The following UBL3 variants were observed in gnomAD, a reference collection of about 807,000 sequenced individuals.
UBL3 encodes the protein ubiquitin-like protein 3.
In UBL3, 6 loss-of-function variants were observed where a neutral mutation model predicts 18.4. That is an observed-to-expected ratio of 0.33 (90% CI 0.18 to 0.64). The LOEUF (loss-of-function observed/expected upper bound fraction) is 0.64. UBL3 is among the 30% of genes least tolerant of loss of function. The probability of loss-of-function intolerance (pLI) is 0.76; values close to 1 mark genes in which losing one functional copy is unlikely to be tolerated. For missense variants in UBL3, 109 were observed against 142.9 expected (o/e 0.76, Z 1.21); for synonymous variants, 49 against 46.6 (o/e 1.05, Z -0.21).
At chr13:29,812,065 A>T (rs959327765) in intron 1 of UBL3, among the ~76,000 whole-genome samples, 5 of 151,972 alleles carry the variant, frequency 3.3e-5, no homozygotes, top group African/African-American at 4.8e-5. Context: ...TCTAAATCTT[A>T]TCAATTTGTA....
chr13:29,775,446 T>C (rs1162808739), intron 2 of UBL3, among the ~76,000 whole-genome samples: 1 of 152,238 alleles, frequency 6.6e-6, no homozygotes, highest in Non-Finnish European at 1.5e-5. Flanking sequence ...GTACATATAC[T>C]ATGTTCTTTG....
chr13:29,783,406 C>T (rs1459673285), intron 1 of UBL3, among the ~76,000 whole-genome samples: 1 of 152,204 alleles, frequency 6.6e-6, no homozygotes, highest in Non-Finnish European at 1.5e-5. Context: ...AAGCTTGCTA[C>T]TAGACTAGAG....
chr13:29,773,348 T>C (rs925674542), intron 2 of UBL3, among the ~76,000 whole-genome samples: 1 of 152,156 alleles, frequency 6.6e-6, no homozygotes, highest in Non-Finnish European at 1.5e-5. Context: ...TTCTGTCTCC[T>C]GTAAGGCTTT....
At chr13:29,823,962 GT>G (rs1215468461) in intron 1 of UBL3, among the ~76,000 whole-genome samples, 1 of 151,134 alleles carries the variant, frequency 6.6e-6, no homozygotes, top group African/African-American at 2.4e-5. Context: ...GCGGTGTTTG[GT>G]TTTCTGTCCT....
intron 1 of UBL3, among the ~76,000 whole-genome samples, chr13:29,830,085 A>G (rs979229055): frequency 6.6e-6 from 1 of 152,300 alleles, no homozygotes; most frequent in East Asian, 1.9e-4. Flanking sequence ...TATAAGTTAT[A>G]TAAGTTATTC....
chr13:29,810,322 C>G (rs1039966594), intron 1 of UBL3, among the ~76,000 whole-genome samples: 2 of 151,882 alleles, frequency 1.3e-5, no homozygotes, highest in African/African-American at 4.8e-5. Flanking sequence ...TGGTATTTAG[C>G]CTGGGAACTG....
At chr13:29,840,795 C>T (rs919674489) in intron 1 of UBL3, among the ~76,000 whole-genome samples, 1 of 152,120 alleles carries the variant, frequency 6.6e-6, no homozygotes, top group Non-Finnish European at 1.5e-5. Context: ...TCCATTATGT[C>T]ATTGTTTGTA....
At chr13:29,829,949 C>T (rs1166447911) in intron 1 of UBL3, among the ~76,000 whole-genome samples, 1 of 152,208 alleles carries the variant, frequency 6.6e-6, no homozygotes, top group African/African-American at 2.4e-5. Flanking sequence ...CACACATATA[C>T]TATGTTTTCA....
In UBL3 at chr13:29,766,031, C is replaced by T. The variant is rs956420721; in HGVS notation, c.*1224G>A. On this transcript the variant is annotated 3_prime_UTR_variant, in exon 5 of 5. Transcript: ENST00000380680. ...TAAGTCTTTTATTAAATATATTCTA[C>T]ACATATTTGTAATTTCATCCAGGAA... The T allele has an allele frequency of 2.0e-5, 3 of 152,456 alleles. No homozygotes were observed. The highest frequency in any genetic ancestry group is 4.8e-5 in the African/African-American group (2 of 41,424). The allele number at this position is 152,456 out of a possible 1,614,324, so 9.4% of individuals were successfully genotyped here.
intron 1 of UBL3, among the ~76,000 whole-genome samples, chr13:29,789,910 G>T (rs1877438712): frequency 6.6e-6 from 1 of 152,128 alleles, no homozygotes; most frequent in Admixed American, 6.5e-5. Context: ...TATCACTGTT[G>T]CATGAAAGAG....
chr13:29,802,330 G>C (rs890771659), intron 1 of UBL3, among the ~76,000 whole-genome samples: 4 of 152,162 alleles, frequency 2.6e-5, no homozygotes, highest in Non-Finnish European at 4.4e-5. Flanking sequence ...GACTGTACTC[G>C]AGTTACACCA....
intron 1 of UBL3, among the ~76,000 whole-genome samples, chr13:29,824,664 C>T (rs78264588): frequency 0.045 from 6,909 of 152,186 alleles, 224 homozygotes; most frequent in Middle Eastern, 0.092. Flanking sequence ...GTTGCCTGTT[C>T]ACTCTGGTGG....
In UBL3 at chr13:29,790,508, C is replaced by T. The variant is rs77051502; in HGVS notation, c.28-13245G>A. ...ATTTAACTCCTTACTTCTTAAACGT[C>T]TTTCCTCATTAGGTTCCTATAATTC... On this transcript the variant is annotated intron_variant, in intron 1 of 4. Transcript: ENST00000380680. 1.1e-3 allele frequency among the ~76,000 whole-genome samples: 171 copies of T among 152,292 alleles called. 3 individuals carry two copies. In the East Asian group the frequency reaches 0.031, roughly 28 times the overall value.
intron 1 of UBL3, among the ~76,000 whole-genome samples, chr13:29,833,219 T>C (rs1566000517): frequency 6.6e-6 from 1 of 150,728 alleles, no homozygotes; most frequent in Non-Finnish European, 1.5e-5. Flanking sequence ...CATAGACAAA[T>C]CTGGGAAAAC....
chr13:29,777,182 T>C lies in UBL3; in HGVS notation c.109A>G (p.Lys37Glu). 6.2e-7 allele frequency: 1 copy of C among 1,606,598 alleles called. No individual in the cohort carries two copies. The highest frequency in any genetic ancestry group is 8.5e-7 in the Non-Finnish European group (1 of 1,176,318). ...SPNDSASDIA[K>E]HVYDNWPMDW... ...ATTGGCCAATTGTCATATACATGCTTTGCAATGTCAGAAGCAGAATCGTTA... is the reference window on the plus strand; with the variant it reads ...ATTGGCCAATTGTCATATACATGCTCTGCAATGTCAGAAGCAGAATCGTTA... The change falls in exon 2 of 5, where the codon AAG (lysine) becomes GAG (glutamate). Residue 37 changes from lysine to glutamate, a missense_variant. Lys to Glu is a moderately conservative substitution (Grantham distance 56, BLOSUM62 1). Transcript: ENST00000380680.
intron 2 of UBL3, among the ~76,000 whole-genome samples, chr13:29,776,262 T>C (rs1357665337): frequency 1.6e-3 from 1 of 626 alleles, no homozygotes; most frequent in African/African-American, 3.4e-3. Context: ...CTTTTCTTTC[T>C]TTTTTTTTTT....
At chr13:29,788,838 AGT>A (rs58898742) in intron 1 of UBL3, among the ~76,000 whole-genome samples, 6,303 of 137,846 alleles carry the variant, frequency 0.046, 175 homozygotes, top group African/African-American at 0.066. Flanking sequence ...TTAATGGGGA[AGT>A]GTGTGTGTGT....
intron 1 of UBL3, among the ~76,000 whole-genome samples, chr13:29,797,132 C>T (rs866561549): frequency 6.6e-6 from 1 of 152,064 alleles, no homozygotes; most frequent in South Asian, 2.1e-4. Flanking sequence ...GAAAAAAATT[C>T]TTAATGTATT....
rs1246356458 is a variant in UBL3, at chr13:29,764,796, T to G, written c.*2459A>C. 6.6e-6 allele frequency: 1 copy of G among 152,152 alleles called. No individual in the cohort carries two copies. The highest frequency in any genetic ancestry group is 2.4e-5 in the African/African-American group (1 of 41,452). 9.4% of individuals were successfully genotyped at this position (152,152 alleles called of 1,614,324 possible). Reference sequence around the variant, plus strand: ...TTACTGGATCTATGCAGCTCTCACCTTTAGATAAGTGAGCTATATTTTTGG... The same window carrying G: ...TTACTGGATCTATGCAGCTCTCACCGTTAGATAAGTGAGCTATATTTTTGG... On this transcript the variant is annotated 3_prime_UTR_variant, in exon 5 of 5. Coordinates refer to ENST00000380680, the MANE Select transcript of UBL3 (RefSeq NM_007106.4).
Sources: gnomAD v4.1 joint callset for allele counts (sites outside exome capture counted in the v4.1 genomes callset) on GRCh38, gnomAD v4.1.1 for gene constraint, MANE v1.5 for transcripts, NCBI Gene and HGNC (gene_info 2026-07-23, HGNC 2026-07-21) for gene names.